The following CATSPERT variants were observed in gnomAD, a reference collection of about 807,000 sequenced individuals.
CATSPERT encodes cation channel sperm-associated targeting subunit tau.
At chr2:201,604,177 GA>G in the CATSPERT span, among the ~76,000 whole-genome samples, 4 of 151,780 alleles carry the variant, frequency 2.6e-5, no homozygotes, top group Admixed American at 6.6e-5. Flanking sequence ...GTGAAAGAGA[GA>G]GGGGGGTGTT....
At chr2:201,578,039 A>C in the CATSPERT span, among the ~76,000 whole-genome samples, 319 of 152,302 alleles carry the variant, frequency 2.1e-3, no homozygotes, top group African/African-American at 7.3e-3. Flanking sequence ...TTATGGGCAA[A>C]CAGAGGAATA....
chr2:201,494,380 C>A, the CATSPERT span: 1 of 1,537,132 alleles, frequency 6.5e-7, no homozygotes, highest in Non-Finnish European at 8.7e-7. Context: ...CGAGAGGTGA[C>A]ATGTGTTTGC....
the CATSPERT span, among the ~76,000 whole-genome samples, chr2:201,511,465 C>T: frequency 6.6e-6 from 1 of 152,060 alleles, no homozygotes; most frequent in Non-Finnish European, 1.5e-5. Flanking sequence ...GGATTTAAAC[C>T]TAAATATTTC....
At chr2:201,524,779 A>G in the CATSPERT span, among the ~76,000 whole-genome samples, 1 of 152,222 alleles carries the variant, frequency 6.6e-6, no homozygotes, top group Non-Finnish European at 1.5e-5. Context: ...AGAATGATCT[A>G]TCAAGCAAAC....
the CATSPERT span, among the ~76,000 whole-genome samples, chr2:201,525,275 A>C: frequency 1.3e-5 from 2 of 152,202 alleles, no homozygotes; most frequent in Non-Finnish European, 2.9e-5. Flanking sequence ...ACCATAGTAC[A>C]ACAAAAATAC....
the CATSPERT span, among the ~76,000 whole-genome samples, chr2:201,617,828 C>T: frequency 1.3e-5 from 2 of 152,094 alleles, no homozygotes; most frequent in African/African-American, 4.8e-5. Context: ...GGGCTAATAT[C>T]CAGAATCTAC....
the CATSPERT span, among the ~76,000 whole-genome samples, chr2:201,614,204 G>C: frequency 6.6e-6 from 1 of 152,124 alleles, no homozygotes; most frequent in Admixed American, 6.5e-5. Flanking sequence ...AGGAAATACA[G>C]AGAATGCCAC....
the CATSPERT span, among the ~76,000 whole-genome samples, chr2:201,489,366 CACCCCATCTTCT>C: frequency 3.7e-3 from 557 of 152,272 alleles, 4 homozygotes; most frequent in African/African-American, 0.013. Context: ...TGAAGACTAT[CACCCCATCTTCT>C]ACCTTTTTTC....
the CATSPERT span, among the ~76,000 whole-genome samples, chr2:201,583,928 G>C: frequency 6.6e-6 from 1 of 152,040 alleles, no homozygotes; most frequent in Non-Finnish European, 1.5e-5. Context: ...CCTAAACAAG[G>C]AACAACTTGT....
chr2:201,515,541 A>G, the CATSPERT span, among the ~76,000 whole-genome samples: 1 of 152,078 alleles, frequency 6.6e-6, no homozygotes, highest in Admixed American at 6.6e-5. Context: ...CACCATAGTC[A>G]GGGCCACTGA....
At chr2:201,512,846 T>A in the CATSPERT span, among the ~76,000 whole-genome samples, 1 of 144,932 alleles carries the variant, frequency 6.9e-6, no homozygotes, top group Non-Finnish European at 1.5e-5. Context: ...ATAGTTTTTT[T>A]AAAGAAACTG....
chr2:201,564,449 T>A, the CATSPERT span, among the ~76,000 whole-genome samples: 1 of 152,172 alleles, frequency 6.6e-6, no homozygotes, highest in African/African-American at 2.4e-5. Context: ...AACCAATAAT[T>A]TAAATAGACT....
the CATSPERT span, among the ~76,000 whole-genome samples, chr2:201,545,270 C>T: frequency 6.6e-6 from 1 of 151,946 alleles, no homozygotes; most frequent in Non-Finnish European, 1.5e-5. Flanking sequence ...AACTCCTGAC[C>T]TCATGATCCA....
the CATSPERT span, chr2:201,535,728 TC>T: frequency 7.5e-7 from 1 of 1,333,760 alleles, no homozygotes; most frequent in Non-Finnish European, 9.6e-7. Flanking sequence ...TAGACACATT[TC>T]CACTTGGAGA....
chr2:201,516,264 C>T, the CATSPERT span, among the ~76,000 whole-genome samples: 1 of 152,264 alleles, frequency 6.6e-6, no homozygotes, highest in Admixed American at 6.5e-5. Flanking sequence ...AGTTTGTTTT[C>T]ACACTGCTCT....
At chr2:201,496,092 A>T in the CATSPERT span, 1 of 545,976 alleles carries the variant, frequency 1.8e-6, no homozygotes, top group Non-Finnish European at 3.1e-6. Context: ...TATCATAACA[A>T]CTATACCTTG....
At chr2:201,535,719 A>G in the CATSPERT span, 1 of 1,328,600 alleles carries the variant, frequency 7.5e-7, no homozygotes, top group Admixed American at 3.6e-5. Flanking sequence ...TAATATACTT[A>G]GACACATTTC....
At chr2:201,497,648 T>C in the CATSPERT span, among the ~76,000 whole-genome samples, 1 of 152,202 alleles carries the variant, frequency 6.6e-6, no homozygotes, top group Admixed American at 6.5e-5. Flanking sequence ...TGCTATTAAC[T>C]TTTACTCCGT....
the CATSPERT span, chr2:201,553,312 C>G: frequency 3.3e-5 from 5 of 152,202 alleles, no homozygotes; most frequent in African/African-American, 4.8e-5. Flanking sequence ...ACATATACTT[C>G]AAGCTCTCTT....
Sources: gnomAD v4.1 joint callset for allele counts (sites outside exome capture counted in the v4.1 genomes callset) on GRCh38, gnomAD v4.1.1 for gene constraint, MANE v1.5 for transcripts, NCBI Gene and HGNC (gene_info 2026-07-23, HGNC 2026-07-21) for gene names.